The following ADAMTS17 variants were observed in gnomAD, a reference collection of about 807,000 sequenced individuals.
The protein encoded by ADAMTS17 is ADAM metallopeptidase with thrombospondin type 1 motif 17, also known as A disintegrin and metalloproteinase with thrombospondin motifs 17.
In ADAMTS17, 113 loss-of-function variants were observed where a neutral mutation model predicts 141.5. The ratio of observed to expected loss-of-function variants is 0.80; its 90% CI spans 0.69 to 0.93. ADAMTS17 has a LOEUF of 0.93. ADAMTS17 is among the 40% of genes least tolerant of loss of function. The pLI, the probability that ADAMTS17 is intolerant of heterozygous loss-of-function variation, is 0.00. For synonymous variants in ADAMTS17, 768 were observed against 630.6 expected, an observed-to-expected ratio of 1.22 and a Z score of -3.27; for missense variants, 1,659 against 1,517.9, an observed-to-expected ratio of 1.09 and a Z score of -1.54.
intron 3 of ADAMTS17, among the ~76,000 whole-genome samples, chr15:100,293,907 C>T (rs1219330169): frequency 1.3e-5 from 2 of 152,158 alleles, no homozygotes; most frequent in African/African-American, 4.8e-5. Flanking sequence ...AAATGAAATA[C>T]GAGTCACTTC....
Position 100,197,730 on chromosome 15 carries a change from T to A in ADAMTS17, c.1181+1588A>T, listed in dbSNP as rs868465443. Among the ~76,000 whole-genome samples, 60 of 152,198 alleles carry A rather than the reference T, an allele frequency of 3.9e-4. 1 individual carries two copies. In the Middle Eastern group the frequency reaches 0.017, roughly 43 times the overall value. On this transcript the variant is annotated intron_variant, in intron 8 of 21. Transcript: ENST00000268070. ...CATCATTTCCACTCTCTGTACCTAC[T>A]CACATCATGACATACAATAGGTACG...
intron 20 of ADAMTS17, among the ~76,000 whole-genome samples, chr15:99,991,496 G>A (rs574994469): frequency 2.8e-4 from 42 of 152,320 alleles, no homozygotes; most frequent in African/African-American, 9.9e-4. Context: ...AGTTAGAATG[G>A]TGATCATTAA....
intron 8 of ADAMTS17, among the ~76,000 whole-genome samples, chr15:100,170,531 G>A (rs912609888): frequency 2.0e-5 from 3 of 152,154 alleles, no homozygotes; most frequent in Non-Finnish European, 4.4e-5. Flanking sequence ...CATCAAATTG[G>A]GAACCATTGA....
intron 15 of ADAMTS17, among the ~76,000 whole-genome samples, chr15:100,082,152 G>T (rs146833942): frequency 3.9e-5 from 6 of 152,054 alleles, no homozygotes; most frequent in Non-Finnish European, 8.8e-5. Flanking sequence ...TGCAACCTTC[G>T]CCTCCTGGGT....
At chr15:100,166,526 G>A (rs1209939638) in intron 8 of ADAMTS17, among the ~76,000 whole-genome samples, 1 of 152,204 alleles carries the variant, frequency 6.6e-6, no homozygotes. Flanking sequence ...TTACTCATAG[G>A]TAGGTAACCC....
rs558089638 is a variant in ADAMTS17, at chr15:100,240,959, G to A, written c.1075+13177C>T. On this transcript the variant is annotated intron_variant, in intron 7 of 21. Coordinates refer to ENST00000268070, the MANE Select transcript of ADAMTS17 (RefSeq NM_139057.4). ...TCCTGCCTCAACCTCCTGAGTAGCT[G>A]GGATTACAGGTGCCCGCCACCAAGC... 3.7e-4 allele frequency among the ~76,000 whole-genome samples: 56 copies of A among 152,208 alleles called. 1 individual carries two copies. The East Asian group carries it at 5.8e-3, about 16-fold the overall frequency.
intron 7 of ADAMTS17, among the ~76,000 whole-genome samples, chr15:100,248,076 C>T (rs546191761): frequency 5.3e-4 from 80 of 152,212 alleles, no homozygotes; most frequent in African/African-American, 1.7e-3. Flanking sequence ...GCCGCTGGGC[C>T]CCAGCGCACA....
At position 99,974,408 on chromosome 15, in the gene ADAMTS17, G is replaced by A. The variant is rs1358775389; in HGVS notation, c.3282C>T (p.Asn1094=). The A allele has an allele frequency of 7.4e-6, 12 of 1,614,090 alleles. No homozygotes were observed. The East Asian group carries it at 8.9e-5, about 12-fold the overall frequency. Residue 1094 remains asparagine, a synonymous_variant, in exon 22 of 22, where the codon AAC becomes AAT. Transcript: ENST00000268070. ...CGACCCTTGGGACTGCGTGTCACGA[G>A]TTCGGCGGTGGCTGGCGCATCTTGT... ...YANKMRQPPP[N]S
rs2032138949 is a variant in ADAMTS17, at chr15:100,051,473, G to A, written c.2455+99C>T. The A allele has an allele frequency of 2.6e-6, 4 of 1,519,930 alleles. No individual in the cohort carries two copies. In the South Asian group the frequency reaches 3.4e-5, roughly 13 times the overall value. The allele number at this position is 1,519,930 out of a possible 1,614,324, so 94.2% of individuals were successfully genotyped here. A position where few individuals can be genotyped will look rare whatever the true frequency, so the allele number is the denominator to read the frequency against. On this transcript the variant is annotated intron_variant, in intron 17 of 21. Coordinates refer to ENST00000268070, the MANE Select transcript of ADAMTS17 (RefSeq NM_139057.4). ...TGGTTAAATTCCCATGGAGCTACAG[G>A]TTGCAGATGTCTCACACTCTGCGTG... is the stretch of plus-strand genomic sequence containing the variant.
In ADAMTS17 at chr15:100,199,808, G is replaced by A. The variant is rs113338756; in HGVS notation, c.1076-385C>T. 4.0e-3 allele frequency among the ~76,000 whole-genome samples: 607 copies of A among 152,312 alleles called. 5 individuals are homozygous for A. Among genetic ancestry groups the A allele is most frequent in the African/African-American group, 0.014 (594 of 41,578 alleles). On this transcript the variant is annotated intron_variant, in intron 7 of 21. Coordinates refer to ENST00000268070, the MANE Select transcript of ADAMTS17 (RefSeq NM_139057.4). ...CAGATCTGTCTAACTTCAGCGCCTA[G>A]GGCTGGGACCAGGTGAGCCAGCCAG...
chr15:100,215,453 A>T lies in ADAMTS17; in HGVS notation c.1076-16030T>A, dbSNP rs1399174749. ...CCTCACTGCTAGCCTTGATTTCAGT[A>T]TGACCGATTCTCCTTCATTATCTGA... is the stretch of plus-strand genomic sequence containing the variant. On this transcript the variant is annotated intron_variant, in intron 7 of 21. Coordinates refer to ENST00000268070, the MANE Select transcript of ADAMTS17 (RefSeq NM_139057.4). 1.3e-5 allele frequency among the ~76,000 whole-genome samples: 2 copies of T among 152,164 alleles called. 1 individual carries two copies. Among genetic ancestry groups the T allele is most frequent in the Non-Finnish European group, 2.9e-5 (2 of 68,030 alleles).
intron 15 of ADAMTS17, among the ~76,000 whole-genome samples, chr15:100,065,011 A>G (rs544582121): frequency 1.3e-5 from 2 of 152,324 alleles, no homozygotes; most frequent in South Asian, 2.1e-4. Flanking sequence ...TCTAGGTTCA[A>G]CTATGTGGAA....
At chr15:100,084,276 G>A (rs1316702693) in intron 15 of ADAMTS17, among the ~76,000 whole-genome samples, 2 of 152,234 alleles carry the variant, frequency 1.3e-5, no homozygotes, top group African/African-American at 2.4e-5. Context: ...AAACTGCAAG[G>A]TGGCAGCGAG....
rs1353634799 is a variant in ADAMTS17 at position 99,977,377 on chromosome 15, TATATATATATATATATATATATA to T, written c.2950-1178_2950-1156del. 9.9e-4 allele frequency among the ~76,000 whole-genome samples: 23 copies of T among 23,178 alleles called. 2 individuals are homozygous for T. The highest frequency in any genetic ancestry group is 1.6e-3 in the African/African-American group (7 of 4,358). 15.2% of individuals were successfully genotyped at this position (23,178 alleles called of 152,430 possible). A position where few individuals can be genotyped will look rare whatever the true frequency, so the allele number is the denominator to read the frequency against. On this transcript the variant is annotated intron_variant, in intron 20 of 21. Transcript: ENST00000268070. Reference sequence around the variant, plus strand: ...ATATATATATATATATATATATATATATATATATATATATATATATATAATTTTTTTTTTTTTTTTTTTTTTTT... The same window carrying T: ...ATATATATATATATATATATATATATATTTTTTTTTTTTTTTTTTTTTTTT...
chr15:100,160,596 G>A (rs2039645065), intron 8 of ADAMTS17, among the ~76,000 whole-genome samples: 2 of 152,228 alleles, frequency 1.3e-5, no homozygotes, highest in South Asian at 2.1e-4. Context: ...AAAAGCGCTT[G>A]GAAAAGATGG....
Position 100,031,844 on chromosome 15 carries a change from C to T in ADAMTS17, c.2591+17013G>A, listed in dbSNP as rs201293502. 9.2e-5 allele frequency among the ~76,000 whole-genome samples: 14 copies of T among 152,254 alleles called. No homozygotes were observed. The East Asian group carries it at 2.1e-3, about 23-fold the overall frequency. ...ATTTCCATATTTGTAGAGTACTCACCGTGTGGCAGCTTGGTTCTACAAATA... is the reference window on the plus strand; with the variant it reads ...ATTTCCATATTTGTAGAGTACTCACTGTGTGGCAGCTTGGTTCTACAAATA... On this transcript the variant is annotated intron_variant, in intron 18 of 21. Transcript: ENST00000268070.
At chr15:100,041,909 T>C (rs922672) in intron 18 of ADAMTS17, among the ~76,000 whole-genome samples, 99,299 of 152,078 alleles carry the variant, frequency 0.65, 33,990 homozygotes, top group Non-Finnish European at 0.77. Flanking sequence ...AAGACAAACA[T>C]CTCTGCCACT....
chr15:100,064,448 G>A (rs2033370578), intron 15 of ADAMTS17, among the ~76,000 whole-genome samples: 2 of 152,156 alleles, frequency 1.3e-5, no homozygotes, highest in South Asian at 2.1e-4. Context: ...GCACCTCCCT[G>A]GTGCATCAGT....
chr15:100,241,706 TCCTAACCTTGACTCAGCTCA>T (rs2042832665), intron 7 of ADAMTS17, among the ~76,000 whole-genome samples: 1 of 152,166 alleles, frequency 6.6e-6, no homozygotes, highest in African/African-American at 2.4e-5. Flanking sequence ...CTCAGCCCTT[TCCTAACCTTGACTCAGCTCA>T]CCTAACCATG....
Sources: gnomAD v4.1 joint callset for allele counts (sites outside exome capture counted in the v4.1 genomes callset) on GRCh38, gnomAD v4.1.1 for gene constraint, MANE v1.5 for transcripts, NCBI Gene and HGNC (gene_info 2026-07-23, HGNC 2026-07-21) for gene names.